Variants in FAM107B observed in about 807,000 individuals in gnomAD.
FAM107B encodes the protein family with sequence similarity 107 member B.
In FAM107B, 21 loss-of-function variants were observed where a neutral mutation model predicts 31.5. That is an observed-to-expected ratio of 0.67 (90% CI 0.47 to 0.96). The LOEUF is 0.96. Among genes scored for constraint, FAM107B ranks in the 40% least tolerant of loss-of-function variants. The pLI, the probability that FAM107B is intolerant of heterozygous loss-of-function variation, is 0.00. For synonymous variants in FAM107B, 157 were observed against 141.5 expected (o/e 1.11, Z -0.78); for missense variants, 452 against 377.1 (o/e 1.20, Z -1.64).
intron 1 of FAM107B, among the ~76,000 whole-genome samples, chr10:14,697,692 C>T (rs1211977474): frequency 6.6e-6 from 1 of 152,228 alleles, no homozygotes; most frequent in Non-Finnish European, 1.5e-5. Context: ...CAGCTGCTGT[C>T]TCCTCGTGCA....
intron 2 of FAM107B, among the ~76,000 whole-genome samples, chr10:14,540,460 C>T (rs1047878093): frequency 1.1e-4 from 16 of 152,212 alleles, no homozygotes; most frequent in African/African-American, 3.9e-4. Context: ...CCTTTGGTGA[C>T]ACTCTCCTGG....
At chr10:14,692,091 C>T (rs557325213) in intron 1 of FAM107B, among the ~76,000 whole-genome samples, 4 of 151,978 alleles carry the variant, frequency 2.6e-5, no homozygotes, top group African/African-American at 9.7e-5. Flanking sequence ...CCTGCAATTG[C>T]GGTTTAATCT....
At chr10:14,582,343 A>G (rs1346790985) in intron 2 of FAM107B, among the ~76,000 whole-genome samples, 1 of 151,004 alleles carries the variant, frequency 6.6e-6, no homozygotes, top group Non-Finnish European at 1.5e-5. Context: ...TATTGCAACC[A>G]CATACCCATG....
At chr10:14,664,004 C>T (rs1854337874) in intron 2 of FAM107B, among the ~76,000 whole-genome samples, 1 of 151,840 alleles carries the variant, frequency 6.6e-6, no homozygotes. Context: ...TGTCTCCCTT[C>T]ACAAATGAAT....
chr10:14,639,045 G>T (rs1012203966), intron 2 of FAM107B, among the ~76,000 whole-genome samples: 1 of 152,010 alleles, frequency 6.6e-6, no homozygotes, highest in Admixed American at 6.6e-5. Flanking sequence ...TAAAAAATTT[G>T]CCAGGCATAG....
At chr10:14,764,650 A>G (rs1478475989) in intron 1 of FAM107B, among the ~76,000 whole-genome samples, 1 of 152,248 alleles carries the variant, frequency 6.6e-6, no homozygotes, top group Admixed American at 6.5e-5. Context: ...AACTAAAAGC[A>G]GTTCAGATCA....
At chr10:14,750,995 T>G (rs1832816176) in intron 1 of FAM107B, among the ~76,000 whole-genome samples, 1 of 152,088 alleles carries the variant, frequency 6.6e-6, no homozygotes. Context: ...CTTGTTCCAG[T>G]TCAGCAATCA....
intron 1 of FAM107B, among the ~76,000 whole-genome samples, chr10:14,751,889 G>A (rs373596705): frequency 1.8e-3 from 279 of 152,192 alleles, no homozygotes; most frequent in African/African-American, 6.2e-3. Flanking sequence ...GTAAAGGGCT[G>A]GGAACAAGAC....
At chr10:14,600,232 C>T (rs2131368576) in intron 2 of FAM107B, among the ~76,000 whole-genome samples, 1 of 152,320 alleles carries the variant, frequency 6.6e-6, no homozygotes, top group East Asian at 1.9e-4. Context: ...CCACGTCCTA[C>T]CACAACCGGC....
chr10:14,725,987 G>T (rs1018942708), intron 1 of FAM107B, among the ~76,000 whole-genome samples: 1 of 146,182 alleles, frequency 6.8e-6, no homozygotes, highest in Non-Finnish European at 1.5e-5. Context: ...CATCACACCC[G>T]GCTAATTTTT....
intron 1 of FAM107B, among the ~76,000 whole-genome samples, chr10:14,727,760 T>G (rs1156416844): frequency 1.3e-5 from 2 of 152,184 alleles, no homozygotes; most frequent in African/African-American, 4.8e-5. Context: ...AAACCCACAC[T>G]AAAACAAGAC....
intron 2 of FAM107B, among the ~76,000 whole-genome samples, chr10:14,644,697 C>G (rs958242484): frequency 5.3e-5 from 8 of 152,178 alleles, no homozygotes; most frequent in Non-Finnish European, 1.0e-4. Context: ...ATTTTAATGG[C>G]AGGTCCAAAT....
At chr10:14,737,147 CAG>C (rs1184237396) in intron 1 of FAM107B, among the ~76,000 whole-genome samples, 1 of 152,070 alleles carries the variant, frequency 6.6e-6, no homozygotes, top group African/African-American at 2.4e-5. Context: ...TGAGAAAAAG[CAG>C]AGAGATTCCA....
intron 2 of FAM107B, among the ~76,000 whole-genome samples, chr10:14,567,186 A>T (rs1199110211): frequency 2.0e-5 from 3 of 152,076 alleles, no homozygotes; most frequent in African/African-American, 7.2e-5. Context: ...AAATAAATAA[A>T]TTGGAGGTGG....
At chr10:14,715,586 AG>A (rs751133097) in intron 1 of FAM107B, among the ~76,000 whole-genome samples, 1 of 152,210 alleles carries the variant, frequency 6.6e-6, no homozygotes, top group Non-Finnish European at 1.5e-5. Context: ...CATGTTAATT[AG>A]GAGACTAACT....
chr10:14,734,397 C>G (rs1856245825), intron 1 of FAM107B, among the ~76,000 whole-genome samples: 1 of 152,156 alleles, frequency 6.6e-6, no homozygotes, highest in African/African-American at 2.4e-5. Context: ...CAACCTGCAG[C>G]CCACAGACCA....
rs531617552 is a variant in FAM107B at position 14,526,813 on chromosome 10, T to G, written c.653+3519A>C. Among the ~76,000 whole-genome samples the G allele has an allele frequency of 1.6e-3, 242 of 152,194 alleles. 3 individuals are homozygous for G. Among genetic ancestry groups the G allele is most frequent in the African/African-American group, 5.7e-3 (236 of 41,536 alleles). On this transcript the variant is annotated intron_variant, in intron 3 of 4. Transcript: ENST00000181796. ...TAATCTTTGTAGAGCACAGAATCTA[T>G]CTCTCTAAATAATATCAGAAATATT...
chr10:14,597,856 A>G (rs564723899), intron 2 of FAM107B, among the ~76,000 whole-genome samples: 1 of 152,176 alleles, frequency 6.6e-6, no homozygotes, highest in Non-Finnish European at 1.5e-5. Flanking sequence ...AGGCTGAGGC[A>G]GGAGAATCGC....
At chr10:14,698,464 T>C (rs770307093) in intron 1 of FAM107B, among the ~76,000 whole-genome samples, 41 of 152,228 alleles carry the variant, frequency 2.7e-4, no homozygotes, top group Non-Finnish European at 4.4e-4. Context: ...AACTTAATCT[T>C]CTCCAAATAT....
Sources: allele counts gnomAD v4.1 joint callset (sites outside exome capture counted in the v4.1 genomes callset), GRCh38; gene constraint gnomAD v4.1.1; transcripts MANE v1.5; gene names NCBI Gene and HGNC (gene_info 2026-07-23, HGNC 2026-07-21).